ADH4: variants seen among roughly 807,000 people sequenced by gnomAD.
ADH4 encodes the protein all-trans-retinol dehydrogenase [NAD(+)] ADH4.
ADH4 carries 31 observed loss-of-function variants against 35.2 expected under a neutral mutation model. The observed-to-expected ratio is 0.88, with a 90% CI of 0.66 to 1.19. The LOEUF (loss-of-function observed/expected upper bound fraction) is 1.19, where lower values mean the gene tolerates loss of function less well. Among genes scored for constraint, ADH4 ranks in the 50% most tolerant of loss-of-function variants. ADH4 has a pLI of 0.00. For missense variants in ADH4, 476 were observed against 458.3 expected (o/e 1.04, Z -0.35); for synonymous variants, 171 against 160.2 (o/e 1.07, Z -0.51).
intron 4 of ADH4, among the ~76,000 whole-genome samples, chr4:99,138,450 C>T (rs1471661369): frequency 6.6e-6 from 1 of 152,132 alleles, no homozygotes; most frequent in Non-Finnish European, 1.5e-5. Flanking sequence ...AGATTTTAGA[C>T]TCCAGAGCCA....
intron 7 of ADH4, 136 bp downstream of exon 7, chr4:99,127,073 T>A: frequency 1.9e-6 from 1 of 514,572 alleles, no homozygotes; most frequent in Non-Finnish European, 3.1e-6. Context: ...TAATAGTTTT[T>A]ATGTAGTATT....
chr4:99,132,377 A>G (rs1729310413), intron 5 of ADH4, among the ~76,000 whole-genome samples: 1 of 152,090 alleles, frequency 6.6e-6, no homozygotes, highest in Non-Finnish European at 1.5e-5. Context: ...TATTTTCTTT[A>G]ATTAAAGTAT....
Position 99,136,563 on chromosome 4 carries a change from T to C in ADH4, c.485A>G (p.Asn162Ser), listed in dbSNP as rs1425011304. ...TGCATCATCATCTATTTTGGCAAGA[T>C]TGATATCTGACACCACAGTGTACTG... is the stretch of plus-strand genomic sequence containing the variant. ...FSQYTVVSDI[N>S]LAKIDDDANL... Residue 162 changes from asparagine (N) to serine (S), a missense_variant, in exon 5 of 9, where the codon AAT becomes AGT. Physicochemically the swap from Asn to Ser is conservative, Grantham distance 46. Coordinates refer to ENST00000265512, the MANE Select transcript of ADH4 (RefSeq NM_000670.5). 8.7e-6 allele frequency: 14 copies of C among 1,614,062 alleles called. No homozygotes were observed. The South Asian group carries it at 1.4e-4, about 16-fold the overall frequency.
In ADH4 at chr4:99,126,661, G is replaced by A. The variant is rs1126672; in HGVS notation, c.1051C>T (p.Leu351=). ...TCAAAAGGCAGGGTATGGGTCACCA[G>A]TGCATCCAGATTGAATTTCTTATTC... ...YKNKKFNLDA[L]VTHTLPFDKI... The change falls in exon 8 of 9, where the codon CTG becomes TTG. Residue 351 remains leucine (L), a synonymous_variant. Coordinates refer to ENST00000265512, the MANE Select transcript of ADH4 (RefSeq NM_000670.5). 0.25 allele frequency: 397,969 copies of A among 1,610,126 alleles called. 53,540 individuals carry two copies. The highest frequency in any genetic ancestry group is 0.28 in the Non-Finnish European group (327,907 of 1,177,268).
intron 8 of ADH4, among the ~76,000 whole-genome samples, chr4:99,125,905 A>G (rs973818325): frequency 6.6e-6 from 1 of 152,032 alleles, no homozygotes; most frequent in African/African-American, 2.4e-5. Flanking sequence ...CGTCTCCTCT[A>G]TGTAACATTG....
At chr4:99,134,155 G>C (rs1007032438) in intron 5 of ADH4, among the ~76,000 whole-genome samples, 7 of 152,124 alleles carry the variant, frequency 4.6e-5, no homozygotes, top group Non-Finnish European at 5.9e-5. Flanking sequence ...AGTCTGGGGG[G>C]ATAAATGACG....
intron 6 of ADH4, 134 bp from the exon 7 acceptor site, chr4:99,127,478 A>G (rs767796847): frequency 4.7e-5 from 28 of 595,666 alleles, no homozygotes; most frequent in Non-Finnish European, 6.9e-5. Context: ...AGCTAATGAC[A>G]TCATAGTATC....
At chr4:99,137,846 A>G (rs1729495098) in intron 4 of ADH4, among the ~76,000 whole-genome samples, 1 of 152,194 alleles carries the variant, frequency 6.6e-6, no homozygotes, top group Non-Finnish European at 1.5e-5. Flanking sequence ...TAAAAACATT[A>G]CCATATATCT....
chr4:99,139,877 A>T (rs1167286783), intron 3 of ADH4, among the ~76,000 whole-genome samples: 2 of 152,010 alleles, frequency 1.3e-5, no homozygotes, highest in Non-Finnish European at 2.9e-5. Context: ...TATTGGCCAG[A>T]CTCCTTCATT....
intron 8 of ADH4, among the ~76,000 whole-genome samples, chr4:99,126,300 C>T (rs74864853): frequency 8.0e-6 from 1 of 124,722 alleles, no homozygotes; most frequent in Non-Finnish European, 1.7e-5. Flanking sequence ...ATCTAACATA[C>T]TACACAGAAA....
At chr4:99,131,473 A>T (rs767193288) in intron 6 of ADH4, 31 bp downstream of exon 6, 1 of 1,598,558 alleles carries the variant, frequency 6.3e-7, no homozygotes, top group Non-Finnish European at 8.5e-7. Flanking sequence ...GAATACATTG[A>T]AAATATGATC....
At chr4:99,130,208 C>A (rs1239661219) in intron 6 of ADH4, among the ~76,000 whole-genome samples, 1 of 152,150 alleles carries the variant, frequency 6.6e-6, no homozygotes, top group Non-Finnish European at 1.5e-5. Flanking sequence ...CTGTTTTAAT[C>A]AAATGTTTTG....
At chr4:99,141,765 T>A (rs1729633035) in intron 2 of ADH4, 83 bp from the exon 3 acceptor site, 2 of 1,360,348 alleles carry the variant, frequency 1.5e-6, no homozygotes, top group Non-Finnish European at 2.0e-6. Context: ...AGGCTTGATA[T>A]CATTTTAAAA....
intron 8 of ADH4, among the ~76,000 whole-genome samples, chr4:99,125,043 C>T (rs1254726570): frequency 1.3e-5 from 2 of 152,334 alleles, no homozygotes; most frequent in Non-Finnish European, 2.9e-5. Flanking sequence ...GACTGGAAGA[C>T]ACCCCTACCT....
intron 1 of ADH4, chr4:99,143,014 T>G: frequency 1.8e-6 from 1 of 557,120 alleles, no homozygotes; most frequent in Non-Finnish European, 3.0e-6. Flanking sequence ...TTTTATTTCT[T>G]GAAAAAAAAA....
Position 99,136,707 on chromosome 4 carries a change from TAAAA to T in ADH4, c.351-14_351-11del. The T allele has an allele frequency of 1.3e-6, 2 of 1,511,956 alleles. No homozygotes were observed. The highest frequency in any genetic ancestry group is 1.8e-6 in the Non-Finnish European group (2 of 1,095,502). 93.7% of individuals were successfully genotyped at this position (1,511,956 alleles called of 1,614,324 possible). A position where few individuals can be genotyped will look rare whatever the true frequency, so the allele number is the denominator to read the frequency against. On this transcript the variant is annotated splice_polypyrimidine_tract_variant and intron_variant, in intron 4 of 8. Transcript: ENST00000265512. ...AGGACTTTTGAGATTACTAGAAAATTAAAAAAAAGAGTGATACAAATAAAGAGAA... is the reference window on the plus strand; with the variant it reads ...AGGACTTTTGAGATTACTAGAAAATTAAAAGAGTGATACAAATAAAGAGAA...
intron 7 of ADH4, 50 bp downstream of exon 7, chr4:99,127,159 C>T: frequency 2.7e-6 from 4 of 1,475,920 alleles, no homozygotes; most frequent in South Asian, 1.3e-5. Context: ...CTAAGAATTT[C>T]AGAACTACTA....
Position 99,136,466 on chromosome 4 carries a change from C to T in ADH4, c.582G>A (p.Lys194=). 6.2e-7 allele frequency: 1 copy of T among 1,612,970 alleles called. No individual in the cohort carries two copies. Among genetic ancestry groups the T allele is most frequent in the Non-Finnish European group, 8.5e-7 (1 of 1,179,108 alleles). ...TGYGAAINNA[K]VTPGSTCAVF... ...CACAAACTGGTGTTTAACCATTTACCTTGGCATTGTTGATTGCAGCCCCAT... is the reference window on the plus strand; with the variant it reads ...CACAAACTGGTGTTTAACCATTTACTTTGGCATTGTTGATTGCAGCCCCAT... Residue 194 remains lysine (K), a splice_region_variant and synonymous_variant, in exon 5 of 9, where the codon AAG becomes AAA. Transcript: ENST00000265512.
rs1457473172 is a variant in ADH4, at chr4:99,126,723, C to G, written c.989G>C (p.Ser330Thr). ...GACCAGCTTTGGGATAGAATCTACA[C>G]TTTTCCAACCTGTAATGTGGACAAA... Reference protein sequence around the residue: ...INGTFFGGWKSVDSIPKLVTD... With the variant: ...INGTFFGGWKTVDSIPKLVTD... The change falls in exon 8 of 9, where the codon AGT becomes ACT. Residue 330 changes from serine (S) to threonine (T), a missense_variant. Physicochemically the swap from Ser to Thr is moderately conservative, Grantham distance 58. Transcript: ENST00000265512. The G allele has an allele frequency of 1.9e-6, 3 of 1,603,878 alleles. No homozygotes were observed. The highest frequency in any genetic ancestry group is 2.6e-6 in the Non-Finnish European group (3 of 1,172,714).
Sources: gnomAD v4.1 joint callset for allele counts (sites outside exome capture counted in the v4.1 genomes callset) on GRCh38, gnomAD v4.1.1 for gene constraint, MANE v1.5 for transcripts, NCBI Gene and HGNC (gene_info 2026-07-23, HGNC 2026-07-21) for gene names.